Variants in PTPRB observed in about 807,000 individuals in gnomAD.
PTPRB encodes the protein receptor-type tyrosine-protein phosphatase beta.
PTPRB carries 97 observed loss-of-function variants against 238.1 expected under a neutral mutation model. That is an observed-to-expected ratio of 0.41 (90% CI 0.35 to 0.48). The LOEUF is 0.48. Ranked by LOEUF, PTPRB falls within the 20% of genes least tolerant of loss-of-function variation. PTPRB has a pLI of 0.30. For synonymous variants in PTPRB, 970 were observed against 995.4 expected, an observed-to-expected ratio of 0.97 and a Z score of 0.48; for missense variants, 2,292 against 2,681.9, an observed-to-expected ratio of 0.85 and a Z score of 3.21.
At position 70,594,639 on chromosome 12, in the gene PTPRB, T is replaced by C. The variant is rs762214900; in HGVS notation, c.1344A>G (p.Glu448=). ...ISWSHGSGNV[E]RYRLMLMDKG... is the part of the protein sequence containing the mutation. ...TATCCATTAGCATCAGCCGGTATCG[T>C]TCCACATTCCCAGAACCATGGGACC... is the stretch of plus-strand genomic sequence containing the variant. Residue 448 remains glutamate (E), a synonymous_variant, in exon 6 of 34, where the codon GAA becomes GAG. Transcript: ENST00000334414. 1.9e-6 allele frequency: 3 copies of C among 1,614,022 alleles called. No individual in the cohort carries two copies. The highest frequency in any genetic ancestry group is 1.1e-5 in the South Asian group (1 of 91,070).
chr12:70,547,239 G>T (rs1876123227), intron 21 of PTPRB, among the ~76,000 whole-genome samples: 1 of 152,098 alleles, frequency 6.6e-6, no homozygotes, highest in Non-Finnish European at 1.5e-5. Flanking sequence ...TCCATTCCAA[G>T]TCAAAAGGTG....
At position 70,562,895 on chromosome 12, in the gene PTPRB, CA is replaced by C; in HGVS notation, c.4116del (p.Ile1372MetfsTer2). The C allele has an allele frequency of 6.2e-7, 1 of 1,614,014 alleles. No homozygotes were observed. The highest frequency in any genetic ancestry group is 8.5e-7 in the Non-Finnish European group (1 of 1,179,886). ...TTAGACAGCTCCCCACTGTGAGTTACAATCACCATCTTGTACATTCTGCCTT... is the reference window on the plus strand; with the variant it reads ...TTAGACAGCTCCCCACTGTGAGTTACATCACCATCTTGTACATTCTGCCTT... ...LLQGRMYKMV[I>X]VTHSGELSNE... On this transcript the variant is annotated frameshift_variant, in exon 16 of 34. Transcript: ENST00000334414. LOFTEE classifies it high-confidence loss of function.
At chr12:70,566,357 T>A in intron 15 of PTPRB, 78 bp downstream of exon 15, 1 of 1,499,382 alleles carries the variant, frequency 6.7e-7, no homozygotes, top group Non-Finnish European at 9.0e-7. Flanking sequence ...TGTTGCTTCA[T>A]CCCTCTCACC....
At chr12:70,629,675 TC>T (rs1347666265) in intron 2 of PTPRB, among the ~76,000 whole-genome samples, 1 of 151,894 alleles carries the variant, frequency 6.6e-6, no homozygotes, top group African/African-American at 2.4e-5. Context: ...TTTGAAAACA[TC>T]AACAAACTAC....
chr12:70,595,304 GA>G (rs757009695), intron 5 of PTPRB, among the ~76,000 whole-genome samples: 1 of 152,050 alleles, frequency 6.6e-6, no homozygotes, highest in Non-Finnish European at 1.5e-5. Context: ...GTTGGGGGGT[GA>G]GGGGGATAAG....
intron 19 of PTPRB, 125 bp from the exon 20 acceptor site, chr12:70,555,434 C>A: frequency 1.1e-6 from 1 of 935,024 alleles, no homozygotes; most frequent in African/African-American, 1.7e-5. Flanking sequence ...GAGCGTGTGC[C>A]TGTGTTTAAT....
In PTPRB at chr12:70,518,716, GAAC is replaced by G. The variant is rs1871378996; in HGVS notation, c.*2770_*2772del. 1 of 152,132 alleles carries G rather than the reference GAAC, an allele frequency of 6.6e-6. No homozygotes were observed. Among genetic ancestry groups the G allele is most frequent in the South Asian group, 2.1e-4 (1 of 4,828 alleles). The allele number at this position is 152,132 out of a possible 1,614,324, so 9.4% of individuals were successfully genotyped here. ...GCTGAACAATTGGCTGCTTTCCAGA[GAAC>G]AACAGAATGACAATACAAAATTGAT... On this transcript the variant is annotated 3_prime_UTR_variant, in exon 34 of 34. Coordinates refer to ENST00000334414, the MANE Select transcript of PTPRB (RefSeq NM_001109754.4).
rs146223383 is a variant in PTPRB at position 70,585,896 on chromosome 12, G to A, written c.2311+1111C>T. ...CCACCTATGAGTGAGAACATGTGGT[G>A]TTTGATTTTCTGTCTTTGGGATAGT... is the stretch of plus-strand genomic sequence containing the variant. On this transcript the variant is annotated intron_variant, in intron 9 of 33. Coordinates refer to ENST00000334414, the MANE Select transcript of PTPRB (RefSeq NM_001109754.4). Among the ~76,000 whole-genome samples the A allele has an allele frequency of 7.2e-5, 11 of 152,030 alleles. No individual in the cohort carries two copies. The East Asian group carries it at 2.1e-3, about 30-fold the overall frequency.
intron 10 of PTPRB, among the ~76,000 whole-genome samples, chr12:70,580,818 CAA>C (rs367612705): frequency 1.6e-4 from 17 of 108,048 alleles, no homozygotes; most frequent in South Asian, 2.9e-4. Flanking sequence ...AATTCCGTCT[CAA>C]AAAAAAAAAA....
Position 70,622,572 on chromosome 12 carries a change from C to A in PTPRB, c.526G>T (p.Ala176Ser). 1 of 1,598,534 alleles carries A rather than the reference C, an allele frequency of 6.3e-7. No homozygotes were observed. Among genetic ancestry groups the A allele is most frequent in the Non-Finnish European group, 8.5e-7 (1 of 1,171,822 alleles). Reference protein sequence around the residue: ...APPQILTTFNAVPDGLVFLIR... With the variant: ...APPQILTTFNSVPDGLVFLIR... The stretch of plus-strand genomic sequence containing the variant: ...AGGAATACCAGGCCATCTGGAACTG[C>A]ATTAAAGGTAGTGAGAATCTGGGGT... Residue 176 changes from alanine (A) to serine (S), a missense_variant, in exon 3 of 34, where the codon GCA (alanine) becomes TCA (serine). Ala to Ser is a moderately conservative substitution (Grantham distance 99). Around this residue, in one of 4 missense-constraint regions of PTPRB, gnomAD observed 1,205 missense variants for 1,287.8 expected, o/e 0.94. Transcript: ENST00000334414.
At chr12:70,541,915 C>T in intron 22 of PTPRB, 1 of 152,094 alleles carries the variant, frequency 6.6e-6, no homozygotes, top group East Asian at 1.9e-4. Flanking sequence ...CTGCTATGAA[C>T]ATTCATGTAC....
At chr12:70,618,396 C>T (rs1305690959) in intron 3 of PTPRB, among the ~76,000 whole-genome samples, 1 of 152,204 alleles carries the variant, frequency 6.6e-6, no homozygotes. Context: ...AGGTGTAAAC[C>T]ACTGCATCAG....
chr12:70,601,717 C>T (rs57618376), intron 4 of PTPRB, among the ~76,000 whole-genome samples: 32,904 of 151,478 alleles, frequency 0.22, 3,671 homozygotes, highest in East Asian at 0.28. Flanking sequence ...AAAAACAAAA[C>T]GGAAAAGAAT....
At chr12:70,635,609 C>T in intron 2 of PTPRB, 62 bp downstream of exon 2, 2 of 1,521,262 alleles carry the variant, frequency 1.3e-6, no homozygotes, top group Non-Finnish European at 1.8e-6. Flanking sequence ...AACAAACAAA[C>T]AAAACCCCCA....
Position 70,534,896 on chromosome 12 carries a change from G to A in PTPRB, c.6141C>T (p.Ile2047=), listed in dbSNP as rs535061696. ...GGACGGACTCTGAGAGCATCTGCAG[G>A]ATGAGGTCCCCATAGTAGAGGGAAT... is the stretch of plus-strand genomic sequence containing the variant. ...DQDSLYYGDL[I]LQMLSESVLP... The change falls in exon 30 of 34, where the codon ATC becomes ATT. Residue 2047 remains isoleucine, a synonymous_variant. Transcript: ENST00000334414. 57 of 1,613,908 alleles carry A rather than the reference G, an allele frequency of 3.5e-5. 3 individuals are homozygous for A. In the South Asian group the frequency reaches 6.1e-4, roughly 17 times the overall value.
At chr12:70,583,211 T>G (rs1881562116) in intron 9 of PTPRB, among the ~76,000 whole-genome samples, 1 of 152,078 alleles carries the variant, frequency 6.6e-6, no homozygotes, top group South Asian at 2.1e-4. Flanking sequence ...GTGGTGGGGA[T>G]GATAAAAATG....
chr12:70,540,976 A>AAAC lies in PTPRB; in HGVS notation c.5495-22_5495-20dup, dbSNP rs898987505. ...AAGGGCTCTACAATAATCCAGATAG[A>AAAC]AACAACAAACGCAGGTGGGAAAATT... On this transcript the variant is annotated intron_variant, in intron 22 of 33. Coordinates refer to ENST00000334414, the MANE Select transcript of PTPRB (RefSeq NM_001109754.4). 6.3e-7 allele frequency: 1 copy of AAAC among 1,576,210 alleles called. No individual in the cohort carries two copies. The highest frequency in any genetic ancestry group is 8.6e-7 in the Non-Finnish European group (1 of 1,158,754).
At chr12:70,617,300 GT>G (rs779345590) in intron 3 of PTPRB, among the ~76,000 whole-genome samples, 1 of 152,222 alleles carries the variant, frequency 6.6e-6, no homozygotes, top group East Asian at 1.9e-4. Flanking sequence ...TATAGTCCAT[GT>G]TAGAATTAGG....
chr12:70,573,509 T>TTC (rs200259548), intron 11 of PTPRB, among the ~76,000 whole-genome samples: 3,147 of 136,748 alleles, frequency 0.023, 117 homozygotes, highest in African/African-American at 0.095. Flanking sequence ...TCTTTTCTTT[T>TTC]TTTTTTTTTT....
Sources: gnomAD v4.1 joint callset for allele counts (sites outside exome capture counted in the v4.1 genomes callset) on GRCh38, gnomAD v4.1.1 for gene constraint, gnomAD v4.1.1 regional missense constraint, MANE v1.5 for transcripts, NCBI Gene and HGNC (gene_info 2026-07-23, HGNC 2026-07-21) for gene names.